Variants in FGD5 observed in about 807,000 individuals in gnomAD.
The protein encoded by FGD5 is FYVE, RhoGEF and PH domain-containing protein 5.
FGD5 carries 28 observed loss-of-function variants against 133.4 expected under a neutral mutation model. That is an observed-to-expected ratio of 0.21 (90% CI 0.16 to 0.29). FGD5 has a LOEUF of 0.29. Ranked by LOEUF, FGD5 falls within the 10% of genes least tolerant of loss-of-function variation. FGD5 has a pLI of 1.00. For missense variants in FGD5, 1,858 were observed against 1,895.2 expected (o/e 0.98, Z 0.36); for synonymous variants, 810 against 776.5 (o/e 1.04, Z -0.72).
Position 14,928,777 on chromosome 3 carries a change from C to A in FGD5, c.4197+2579C>A, listed in dbSNP as rs1256966359. Among the ~76,000 whole-genome samples, 3 of 152,288 alleles carry A rather than the reference C, an allele frequency of 2.0e-5. No individual in the cohort carries two copies. In the East Asian group the frequency reaches 5.8e-4, roughly 29 times the overall value. ...TAATAATAATTTTACAGTGAACTAT[C>A]ATATGACCATTAACTGGATTGTACA... On this transcript the variant is annotated intron_variant, in intron 18 of 19. Coordinates refer to ENST00000285046, the MANE Select transcript of FGD5 (RefSeq NM_152536.4).
chr3:14,895,743 A>AT (rs1416022210), intron 4 of FGD5, among the ~76,000 whole-genome samples: 2 of 151,940 alleles, frequency 1.3e-5, no homozygotes, highest in African/African-American at 4.8e-5. Flanking sequence ...TAATTTTTGT[A>AT]TTTTTTGTAA....
intron 12 of FGD5, among the ~76,000 whole-genome samples, chr3:14,918,482 T>C (rs1480161326): frequency 6.6e-6 from 1 of 152,204 alleles, no homozygotes; most frequent in African/African-American, 2.4e-5. Context: ...TGGCAGGTAC[T>C]TGTCCAACAT....
chr3:14,832,588 T>C (rs2036733458), intron 1 of FGD5, among the ~76,000 whole-genome samples: 1 of 152,198 alleles, frequency 6.6e-6, no homozygotes, highest in Admixed American at 6.5e-5. Flanking sequence ...GTTTTATTTT[T>C]TTAATAGAAG....
At chr3:14,887,824 G>GCC (rs1355598205) in intron 4 of FGD5, among the ~76,000 whole-genome samples, 1 of 152,092 alleles carries the variant, frequency 6.6e-6, no homozygotes, top group East Asian at 1.9e-4. Context: ...AGAAGGCTGT[G>GCC]CCTGGCAACA....
chr3:14,911,793 G>A (rs1303415646), intron 11 of FGD5, among the ~76,000 whole-genome samples: 9 of 148,648 alleles, frequency 6.1e-5, no homozygotes, highest in Non-Finnish European at 8.9e-5. Flanking sequence ...CTCGGGTGCC[G>A]TGGAAGCAAA....
intron 2 of FGD5, among the ~76,000 whole-genome samples, chr3:14,875,483 G>C (rs1288110551): frequency 2.0e-5 from 3 of 152,160 alleles, no homozygotes; most frequent in African/African-American, 7.2e-5. Flanking sequence ...AATAGAGTGG[G>C]CTTAAGGGAT....
In FGD5 at chr3:14,926,137, A is replaced by G; in HGVS notation, c.4136A>G (p.His1379Arg). Residue 1379 changes from histidine to arginine, a missense_variant, in exon 18 of 20, where the codon CAC becomes CGC. Physicochemically the swap from His to Arg is conservative, Grantham distance 29. This residue lies in a region of FGD5 where 1,824 missense variants were observed against 1,848.9 expected (regional missense o/e 0.99). Transcript: ENST00000285046. ...YLSRCKRGKR[H>R]WKKLWFVIKG... The stretch of plus-strand genomic sequence containing the variant: ...AGCCGGTGTAAGAGGGGCAAGCGGC[A>G]CTGGAAGAAGCTCTGGTTTGTCATC... 6.2e-7 allele frequency: 1 copy of G among 1,613,940 alleles called. No homozygotes were observed. Among genetic ancestry groups the G allele is most frequent in the Non-Finnish European group, 8.5e-7 (1 of 1,179,860 alleles).
At chr3:14,914,883 C>T (rs947726919) in intron 11 of FGD5, among the ~76,000 whole-genome samples, 4 of 152,236 alleles carry the variant, frequency 2.6e-5, no homozygotes, top group Non-Finnish European at 2.9e-5. Flanking sequence ...TTTGGTCCAG[C>T]GCCTGGTGCA....
rs2038939440 is a variant in FGD5, at chr3:14,933,881, C to T, written c.*714C>T. The T allele has an allele frequency of 6.6e-6, 1 of 152,438 alleles. No homozygotes were observed. The highest frequency in any genetic ancestry group is 2.4e-5 in the African/African-American group (1 of 41,448). 9.4% of individuals were successfully genotyped at this position (152,438 alleles called of 1,614,324 possible). A position where few individuals can be genotyped will look rare whatever the true frequency, so the allele number is the denominator to read the frequency against. ...GTCGACCTTGTGACCTGTATACTAA[C>T]ATAACTTATTAAAGGAGGGGTCCCT... On this transcript the variant is annotated 3_prime_UTR_variant, in exon 20 of 20. Transcript: ENST00000285046.
intron 4 of FGD5, 81 bp from the exon 5 acceptor site, chr3:14,897,428 A>G (rs902011576): frequency 1.3e-5 from 20 of 1,513,322 alleles, no homozygotes; most frequent in Non-Finnish European, 1.8e-5. Flanking sequence ...CCAGGGCTCC[A>G]AAGCCCCAGG....
chr3:14,845,618 A>G (rs1406216327), intron 1 of FGD5, among the ~76,000 whole-genome samples: 4 of 152,046 alleles, frequency 2.6e-5, no homozygotes, highest in African/African-American at 7.2e-5. Context: ...GATGTGGGAG[A>G]GTTTATCAAG....
chr3:14,882,658 A>G (rs2037848602), intron 4 of FGD5, among the ~76,000 whole-genome samples: 1 of 151,114 alleles, frequency 6.6e-6, no homozygotes, highest in African/African-American at 2.4e-5. Context: ...AGATCGTGCC[A>G]CTGCACTCCA....
In FGD5 at chr3:14,893,757, T is replaced by TTC. The variant is rs1553629229; in HGVS notation, c.2749-3751_2749-3750insCT. Among the ~76,000 whole-genome samples, 23 of 135,572 alleles carry TTC rather than the reference T, an allele frequency of 1.7e-4. No homozygotes were observed. The South Asian group carries it at 2.1e-3, about 12-fold the overall frequency. The allele number at this position is 135,572 out of a possible 152,430, so 88.9% of individuals were successfully genotyped here. A position where few individuals can be genotyped will look rare whatever the true frequency, so the allele number is the denominator to read the frequency against. On this transcript the variant is annotated intron_variant, in intron 4 of 19. Coordinates refer to ENST00000285046, the MANE Select transcript of FGD5 (RefSeq NM_152536.4). ...TTTTCTTTCTTTTCTTTTTTCTTTT[T>TTC]TTTTTTTTTTTTTTTGAGACAGAGT...
intron 9 of FGD5, among the ~76,000 whole-genome samples, chr3:14,905,036 C>A (rs1052127817): frequency 6.6e-6 from 1 of 151,862 alleles, no homozygotes; most frequent in Non-Finnish European, 1.5e-5. Flanking sequence ...TAATCATGAC[C>A]ACACTAGCCT....
intron 1 of FGD5, among the ~76,000 whole-genome samples, chr3:14,862,087 C>A (rs2037410628): frequency 6.6e-6 from 1 of 152,102 alleles, no homozygotes; most frequent in Non-Finnish European, 1.5e-5. Flanking sequence ...GGAAGGTAAG[C>A]CTGACGCTCA....
chr3:14,824,699 A>G (rs1488205178), intron 1 of FGD5, among the ~76,000 whole-genome samples: 1 of 152,204 alleles, frequency 6.6e-6, no homozygotes, highest in Middle Eastern at 3.2e-3. Context: ...TATACTGCCT[A>G]TACTTTGACT....
intron 1 of FGD5, among the ~76,000 whole-genome samples, chr3:14,826,337 C>T (rs189138031): frequency 1.6e-3 from 248 of 152,236 alleles, no homozygotes; most frequent in African/African-American, 5.4e-3. Context: ...CCCCACTGCC[C>T]TCATCCATTA....
chr3:14,866,397 C>T (rs557702015), intron 2 of FGD5, among the ~76,000 whole-genome samples: 1 of 152,214 alleles, frequency 6.6e-6, no homozygotes, highest in South Asian at 2.1e-4. Flanking sequence ...TATGAATGTG[C>T]AATTCTGGGG....
chr3:14,883,413 C>T (rs955697846), intron 4 of FGD5, among the ~76,000 whole-genome samples: 5 of 152,214 alleles, frequency 3.3e-5, no homozygotes, highest in Non-Finnish European at 5.9e-5. Flanking sequence ...TACCCGTCCA[C>T]CTAGCCAGCC....
Sources: gnomAD v4.1 joint callset for allele counts (sites outside exome capture counted in the v4.1 genomes callset) on GRCh38, gnomAD v4.1.1 for gene constraint, gnomAD v4.1.1 regional missense constraint, MANE v1.5 for transcripts, NCBI Gene and HGNC (gene_info 2026-07-23, HGNC 2026-07-21) for gene names.